The following GRM5 variants were observed in gnomAD, a reference collection of about 807,000 sequenced individuals.
The protein encoded by GRM5 is glutamate metabotropic receptor 5.
GRM5 carries 19 observed loss-of-function variants against 83.1 expected under a neutral mutation model. That is an observed-to-expected ratio of 0.23 (90% CI 0.16 to 0.34). The LOEUF is 0.34. Among genes scored for constraint, GRM5 ranks in the 10% least tolerant of loss-of-function variants. The pLI, the probability that GRM5 is intolerant of heterozygous loss-of-function variation, is 1.00. For synonymous variants in GRM5, 675 were observed against 633.6 expected (o/e 1.07, Z -0.98); for missense variants, 1,160 against 1,588.3 (o/e 0.73, Z 4.58).
At chr11:88,760,174 A>C (rs1565217806) in intron 3 of GRM5, among the ~76,000 whole-genome samples, 1 of 152,182 alleles carries the variant, frequency 6.6e-6, no homozygotes, top group Non-Finnish European at 1.5e-5. Context: ...TAGAGAATCA[A>C]CAGCAAACCA....
At chr11:89,034,234 C>T (rs748355221) in intron 2 of GRM5, among the ~76,000 whole-genome samples, 15 of 151,762 alleles carry the variant, frequency 9.9e-5, no homozygotes, top group African/African-American at 2.7e-4. Flanking sequence ...ACTCAGACTT[C>T]GTATCTCAAA....
chr11:89,006,801 T>A (rs1056697085), intron 2 of GRM5, among the ~76,000 whole-genome samples: 5 of 152,220 alleles, frequency 3.3e-5, no homozygotes, highest in African/African-American at 1.2e-4. Context: ...TTGTTTTGCT[T>A]TGTTTTGTTT....
At chr11:88,879,816 G>T (rs1474161137) in intron 2 of GRM5, among the ~76,000 whole-genome samples, 1 of 151,982 alleles carries the variant, frequency 6.6e-6, no homozygotes, top group Non-Finnish European at 1.5e-5. Context: ...TCAGCAGATT[G>T]CCTATAGAGC....
At chr11:88,947,921 C>G (rs1938334150) in intron 2 of GRM5, among the ~76,000 whole-genome samples, 1 of 152,174 alleles carries the variant, frequency 6.6e-6, no homozygotes, top group Admixed American at 6.5e-5. Flanking sequence ...AGAACAAGCT[C>G]TGGAGTCAGA....
rs183090187 is a variant in GRM5 at position 88,904,167 on chromosome 11, C to T, written c.662-54012G>A. 3.9e-3 allele frequency among the ~76,000 whole-genome samples: 592 copies of T among 152,184 alleles called. 2 individuals carry two copies. The highest frequency in any genetic ancestry group is 0.013 in the African/African-American group (559 of 41,526). On this transcript the variant is annotated intron_variant, in intron 2 of 9. Coordinates refer to ENST00000305447, the MANE Select transcript of GRM5 (RefSeq NM_001143831.3). ...ACAAATGAGGTGTTAAGAAGTAAAA[C>T]TAGACTGACCTCACAAAAGAGAAAA... is the stretch of plus-strand genomic sequence containing the variant.
intron 3 of GRM5, among the ~76,000 whole-genome samples, chr11:88,677,460 C>G (rs956333203): frequency 6.6e-6 from 1 of 152,104 alleles, no homozygotes; most frequent in Admixed American, 6.6e-5. Flanking sequence ...TATTCTCTTT[C>G]TCTCACTGGA....
At chr11:88,909,565 C>T (rs1358348598) in intron 2 of GRM5, among the ~76,000 whole-genome samples, 1 of 150,862 alleles carries the variant, frequency 6.6e-6, no homozygotes, top group Non-Finnish European at 1.5e-5. Flanking sequence ...CACACACACA[C>T]ACACACATTT....
chr11:88,764,267 TTCAACACCTCATTC>T (rs1413237778), intron 3 of GRM5, among the ~76,000 whole-genome samples: 2 of 151,556 alleles, frequency 1.3e-5, no homozygotes, highest in East Asian at 3.9e-4. Context: ...GGTTGCAGAC[TTCAACACCTCATTC>T]TCAATAATGA....
At position 88,734,642 on chromosome 11, in the gene GRM5, C is replaced by T. The variant is rs371630166; in HGVS notation, c.912-81239G>A. Among the ~76,000 whole-genome samples, 16 of 152,126 alleles carry T rather than the reference C, an allele frequency of 1.1e-4. No homozygotes were observed. The East Asian group carries it at 2.9e-3, about 28-fold the overall frequency. The stretch of plus-strand genomic sequence containing the variant: ...GCAAAATAGTAAATTCTCTTGGTTA[C>T]AGTTACTTAACATGCTGTAACTTTG... On this transcript the variant is annotated intron_variant, in intron 3 of 9. Transcript: ENST00000305447.
At chr11:88,968,635 CACTG>C (rs1939069290) in intron 2 of GRM5, among the ~76,000 whole-genome samples, 1 of 152,040 alleles carries the variant, frequency 6.6e-6, no homozygotes, top group African/African-American at 2.4e-5. Context: ...ATAAATGTAC[CACTG>C]TACTGCAGCC....
chr11:88,978,310 G>C (rs1939404588), intron 2 of GRM5, among the ~76,000 whole-genome samples: 1 of 151,932 alleles, frequency 6.6e-6, no homozygotes, highest in African/African-American at 2.4e-5. Context: ...TGGTTGTGCT[G>C]ATGGTTTCAT....
chr11:88,796,849 G>T (rs1358009125), intron 3 of GRM5, among the ~76,000 whole-genome samples: 4 of 151,338 alleles, frequency 2.6e-5, no homozygotes, highest in African/African-American at 9.7e-5. Flanking sequence ...ACAGGTGCCT[G>T]TATTTCTTTT....
At chr11:88,785,274 A>G (rs1440571558) in intron 3 of GRM5, among the ~76,000 whole-genome samples, 1 of 152,068 alleles carries the variant, frequency 6.6e-6, no homozygotes, top group African/African-American at 2.4e-5. Flanking sequence ...AACTAATTAC[A>G]TACTTTGGCA....
intron 3 of GRM5, among the ~76,000 whole-genome samples, chr11:88,788,895 G>A (rs112727466): frequency 1.2e-4 from 19 of 152,234 alleles, no homozygotes; most frequent in South Asian, 4.1e-4. Flanking sequence ...AAGGATGAAC[G>A]CCTCCTCAAT....
rs1361058498 is a variant in GRM5 at position 88,831,416 on chromosome 11, C to A, written c.911+18490G>T. Among the ~76,000 whole-genome samples the A allele has an allele frequency of 3.3e-5, 5 of 152,344 alleles. 1 individual carries two copies. The South Asian group carries it at 1.0e-3, about 32-fold the overall frequency. ...GCTTTTGCCACTGAAAGCAACTCCA[C>A]CATTCCCAGAAGCAGGGCCACAGTG... is the stretch of plus-strand genomic sequence containing the variant. On this transcript the variant is annotated intron_variant, in intron 3 of 9. Coordinates refer to ENST00000305447, the MANE Select transcript of GRM5 (RefSeq NM_001143831.3).
intron 4 of GRM5, among the ~76,000 whole-genome samples, chr11:88,608,337 C>G (rs942236548): frequency 6.6e-6 from 1 of 152,122 alleles, no homozygotes; most frequent in African/African-American, 2.4e-5. Context: ...GAGACCTTCT[C>G]TGGATATCCT....
rs571484932 is a variant in GRM5 at position 88,839,548 on chromosome 11, C to G, written c.911+10358G>C. On this transcript the variant is annotated intron_variant, in intron 3 of 9. Transcript: ENST00000305447. ...GATTTAATAATGCCATGAGTTGACACAGAAATACAAGTGCTTTTCACTATA... is the reference window on the plus strand; with the variant it reads ...GATTTAATAATGCCATGAGTTGACAGAGAAATACAAGTGCTTTTCACTATA... Among the ~76,000 whole-genome samples the G allele has an allele frequency of 2.6e-5, 4 of 152,234 alleles. No individual in the cohort carries two copies. The South Asian group carries it at 8.3e-4, about 32-fold the overall frequency.
At position 88,583,487 on chromosome 11, in the gene GRM5, T is replaced by C. The variant is rs139991381; in HGVS notation, c.1690+7114A>G. ...ACGTAAGATACATTTCTTTTATGAT[T>C]GAAAAGCAGGAGATAATGCTAACTT... On this transcript the variant is annotated intron_variant, in intron 7 of 9. Transcript: ENST00000305447. Among the ~76,000 whole-genome samples, 64 of 152,340 alleles carry C rather than the reference T, an allele frequency of 4.2e-4. No individual in the cohort carries two copies. In the East Asian group the frequency reaches 0.012, roughly 28 times the overall value.
At chr11:88,611,100 C>T (rs924621927) in intron 4 of GRM5, among the ~76,000 whole-genome samples, 71 of 152,196 alleles carry the variant, frequency 4.7e-4, no homozygotes, top group African/African-American at 1.2e-3. Flanking sequence ...TTTTCATGTG[C>T]TTCTGAATTC....
Sources: gnomAD v4.1 joint callset for allele counts (sites outside exome capture counted in the v4.1 genomes callset) on GRCh38, gnomAD v4.1.1 for gene constraint, MANE v1.5 for transcripts, NCBI Gene and HGNC (gene_info 2026-07-23, HGNC 2026-07-21) for gene names.